The following PARP8 variants were observed in gnomAD, a reference collection of about 807,000 sequenced individuals.
The protein encoded by PARP8 is protein mono-ADP-ribosyltransferase PARP8.
In PARP8, 51 loss-of-function variants were observed where a neutral mutation model predicts 124.1. The observed-to-expected ratio is 0.41, with a 90% CI of 0.33 to 0.52. The LOEUF (loss-of-function observed/expected upper bound fraction) is 0.52. Ranked by LOEUF, PARP8 falls within the 20% of genes least tolerant of loss-of-function variation. The probability of loss-of-function intolerance (pLI) is 0.21; values close to 1 mark genes in which losing one functional copy is unlikely to be tolerated. For missense variants in PARP8, 860 were observed against 1,018.9 expected (o/e 0.84, Z 2.12); for synonymous variants, 391 against 361.5 (o/e 1.08, Z -0.93).
At chr5:50,704,036 T>G (rs1264615161) in intron 2 of PARP8, among the ~76,000 whole-genome samples, 1 of 152,202 alleles carries the variant, frequency 6.6e-6, no homozygotes, top group African/African-American at 2.4e-5. Context: ...GCTAATCTTT[T>G]GACATGTATT....
intron 17 of PARP8, 87 bp downstream of exon 17, chr5:50,822,487 T>G (rs910600281): frequency 2.0e-6 from 2 of 1,015,024 alleles, no homozygotes; most frequent in African/African-American, 1.6e-5. Flanking sequence ...TTCTCTATAA[T>G]ACATATCATT....
chr5:50,750,571 T>C (rs1160326961), intron 3 of PARP8, among the ~76,000 whole-genome samples: 1 of 152,164 alleles, frequency 6.6e-6, no homozygotes, highest in African/African-American at 2.4e-5. Flanking sequence ...TGTGTGTGTG[T>C]ATCTATTTTT....
intron 14 of PARP8, among the ~76,000 whole-genome samples, chr5:50,806,984 T>C (rs1428386743): frequency 3.3e-5 from 5 of 152,070 alleles, no homozygotes; most frequent in African/African-American, 1.2e-4. Context: ...TTAAACAGGT[T>C]AAATAAAACT....
At chr5:50,716,714 T>C (rs945872908) in intron 2 of PARP8, among the ~76,000 whole-genome samples, 3 of 152,114 alleles carry the variant, frequency 2.0e-5, no homozygotes, top group African/African-American at 7.2e-5. Context: ...CATGGTTTAA[T>C]ACCTGTGTCA....
chr5:50,803,251 C>T (rs549146367), intron 14 of PARP8, among the ~76,000 whole-genome samples: 7 of 152,200 alleles, frequency 4.6e-5, no homozygotes, highest in Admixed American at 2.0e-4. Flanking sequence ...TCGCTGATTT[C>T]GAGATTTCTT....
chr5:50,704,777 C>T (rs967842975), intron 2 of PARP8, among the ~76,000 whole-genome samples: 11 of 152,068 alleles, frequency 7.2e-5, no homozygotes, highest in Non-Finnish European at 1.3e-4. Context: ...TTTAATGTGA[C>T]GATTTAAAAT....
chr5:50,822,512 G>T, intron 17 of PARP8, 112 bp downstream of exon 17: 2 of 780,020 alleles, frequency 2.6e-6, no homozygotes. Context: ...AATTTGTGCG[G>T]TATTAAGATG....
chr5:50,684,887 A>G (rs1751685723), intron 2 of PARP8, among the ~76,000 whole-genome samples: 1 of 152,132 alleles, frequency 6.6e-6, no homozygotes, highest in South Asian at 2.1e-4. Context: ...AAAGGCTATC[A>G]GGGGACTTTT....
At chr5:50,775,700 C>T (rs1739929049) in intron 7 of PARP8, among the ~76,000 whole-genome samples, 1 of 151,952 alleles carries the variant, frequency 6.6e-6, no homozygotes, top group South Asian at 2.1e-4. Context: ...TCAGATAGTT[C>T]ATTATTGGTG....
At chr5:50,703,066 T>C (rs1753760906) in intron 2 of PARP8, among the ~76,000 whole-genome samples, 1 of 152,100 alleles carries the variant, frequency 6.6e-6, no homozygotes, top group Non-Finnish European at 1.5e-5. Context: ...TTTGGGAGGC[T>C]GAGGCGGCAG....
chr5:50,766,107 T>C (rs574011413), intron 7 of PARP8, among the ~76,000 whole-genome samples: 192 of 152,318 alleles, frequency 1.3e-3, no homozygotes, highest in African/African-American at 4.5e-3. Context: ...AAAATCCTCT[T>C]AAAGAAGGCT....
At chr5:50,687,574 T>G (rs767991659) in intron 2 of PARP8, among the ~76,000 whole-genome samples, 1 of 152,166 alleles carries the variant, frequency 6.6e-6, no homozygotes, top group Non-Finnish European at 1.5e-5. Context: ...TTCACACTGT[T>G]GATAAAGTCC....
chr5:50,751,431 G>GTA (rs1008904251), intron 3 of PARP8, among the ~76,000 whole-genome samples: 1 of 152,126 alleles, frequency 6.6e-6, no homozygotes, highest in Admixed American at 6.6e-5. Flanking sequence ...AGGAGTGTAA[G>GTA]TATATATATT....
chr5:50,802,050 A>C (rs556457562), intron 14 of PARP8, among the ~76,000 whole-genome samples: 1 of 152,318 alleles, frequency 6.6e-6, no homozygotes, highest in South Asian at 2.1e-4. Context: ...TCTTGGTTTT[A>C]AATCCTTGCT....
At chr5:50,820,181 T>C (rs1056718657) in intron 15 of PARP8, among the ~76,000 whole-genome samples, 25 of 152,194 alleles carry the variant, frequency 1.6e-4, no homozygotes, top group African/African-American at 4.6e-4. Flanking sequence ...CCACACAACA[T>C]AGTCAGCTCT....
At chr5:50,831,582 C>T (rs1203629992) in intron 22 of PARP8, among the ~76,000 whole-genome samples, 1 of 152,154 alleles carries the variant, frequency 6.6e-6, no homozygotes, top group Non-Finnish European at 1.5e-5. Flanking sequence ...AAATCAGACT[C>T]TAAATCTTGC....
chr5:50,677,786 T>C (rs1304289217), intron 2 of PARP8, among the ~76,000 whole-genome samples: 1 of 152,150 alleles, frequency 6.6e-6, no homozygotes, highest in Admixed American at 6.6e-5. Context: ...GCGATAGTTT[T>C]CATAAGAGGT....
Position 50,666,903 on chromosome 5 carries a change from C to CCCCCCT in PARP8, c.-191_-190insCCCTCC. ...ATCTGGGAATGCAAAGCCGACCTCC[C>CCCCCCT]CCTCCTCCTCCTCCTCCCCCTCCTC... On this transcript the variant is annotated 5_prime_UTR_variant, in exon 1 of 26. Coordinates refer to ENST00000281631, the MANE Select transcript of PARP8 (RefSeq NM_024615.4). 1.9e-6 allele frequency: 2 copies of CCCCCCT among 1,073,222 alleles called. No individual in the cohort carries two copies. Among genetic ancestry groups the CCCCCCT allele is most frequent in the African/African-American group, 1.7e-5 (1 of 59,130 alleles). The allele number at this position is 1,073,222 out of a possible 1,614,324, so 66.5% of individuals were successfully genotyped here.
rs1367122764 is a variant in PARP8, at chr5:50,761,945, G to A, written c.423+47G>A. 9.5e-6 allele frequency: 12 copies of A among 1,260,400 alleles called. 1 individual carries two copies. Among genetic ancestry groups the A allele is most frequent in the African/African-American group, 4.4e-5 (3 of 68,180 alleles). 78.1% of individuals were successfully genotyped at this position (1,260,400 alleles called of 1,614,324 possible). On this transcript the variant is annotated intron_variant, in intron 6 of 25. Coordinates refer to ENST00000281631, the MANE Select transcript of PARP8 (RefSeq NM_024615.4). ...AATACCTAGTCTTAAAGTTCTAATA[G>A]CCATGTTGTCCTAGTGGTAATCTGT...
Sources: allele counts gnomAD v4.1 joint callset (sites outside exome capture counted in the v4.1 genomes callset), GRCh38; gene constraint gnomAD v4.1.1; transcripts MANE v1.5; gene names NCBI Gene and HGNC (gene_info 2026-07-23, HGNC 2026-07-21).